The following GBE1 variants were observed in gnomAD, a reference collection of about 807,000 sequenced individuals.
GBE1 encodes 1,4-alpha-glucan branching enzyme 1, also known as 1,4-alpha-glucan-branching enzyme.
A neutral mutation model predicts 88.8 loss-of-function variants in GBE1; 70 were observed. That is an observed-to-expected ratio of 0.79 (90% CI 0.65 to 0.96). The LOEUF (loss-of-function observed/expected upper bound fraction) is 0.96, where lower values mean the gene tolerates loss of function less well. Among genes scored for constraint, GBE1 ranks in the 40% least tolerant of loss-of-function variants. The pLI, the probability that GBE1 is intolerant of heterozygous loss-of-function variation, is 0.00. For synonymous variants in GBE1, 284 were observed against 300.1 expected, an observed-to-expected ratio of 0.95 and a Z score of 0.56; for missense variants, 872 against 871.0, an observed-to-expected ratio of 1.00 and a Z score of -0.01.
At chr3:81,667,651 A>G (rs1405869486) in intron 3 of GBE1, among the ~76,000 whole-genome samples, 1 of 152,222 alleles carries the variant, frequency 6.6e-6, no homozygotes, top group African/African-American at 2.4e-5. Flanking sequence ...AGTTTTTAAC[A>G]TGAAGGGATG....
At chr3:81,524,583 G>A (rs1338665623) in intron 14 of GBE1, among the ~76,000 whole-genome samples, 1 of 151,602 alleles carries the variant, frequency 6.6e-6, no homozygotes, top group African/African-American at 2.4e-5. Context: ...TTTGTTTTTT[G>A]TATATAATGA....
At chr3:81,735,777 C>T (rs1045516506) in intron 1 of GBE1, among the ~76,000 whole-genome samples, 2 of 152,128 alleles carry the variant, frequency 1.3e-5, no homozygotes. Context: ...ATCAGTCTCA[C>T]CTTCAATCAA....
intron 11 of GBE1, 49 bp downstream of exon 11, chr3:81,581,116 G>A (rs1055194634): frequency 1.9e-6 from 2 of 1,045,810 alleles, no homozygotes; most frequent in South Asian, 1.4e-5. Flanking sequence ...GAGGGAAGGA[G>A]GAAGAGAGAG....
intron 12 of GBE1, among the ~76,000 whole-genome samples, chr3:81,550,766 A>T (rs987279102): frequency 4.6e-5 from 7 of 152,208 alleles, no homozygotes; most frequent in Non-Finnish European, 1.0e-4. Context: ...TGGCAACGTC[A>T]GGAAGTTACT....
At position 81,577,912 on chromosome 3, in the gene GBE1, A is replaced by T; in HGVS notation, c.1618+13T>A. 1 of 1,578,912 alleles carries T rather than the reference A, an allele frequency of 6.3e-7. No individual in the cohort carries two copies. The highest frequency in any genetic ancestry group is 1.2e-5 in the South Asian group (1 of 82,278). On this transcript the variant is annotated intron_variant, in intron 12 of 15. Transcript: ENST00000429644. The stretch of plus-strand genomic sequence containing the variant: ...TTAAACACAAATTGCATATGTGTTT[A>T]ACTCACACTTACCCATGAAATTGAG...
chr3:81,663,318 C>A (rs998482638), intron 3 of GBE1, among the ~76,000 whole-genome samples: 1 of 152,176 alleles, frequency 6.6e-6, no homozygotes, highest in Non-Finnish European at 1.5e-5. Flanking sequence ...TCGAGAGGAC[C>A]ACATCAGCGT....
At position 81,662,309 on chromosome 3, in the gene GBE1, G is replaced by A. The variant is rs184236234; in HGVS notation, c.429+8529C>T. Among the ~76,000 whole-genome samples, 377 of 152,246 alleles carry A rather than the reference G, an allele frequency of 2.5e-3. 2 individuals are homozygous for A. Among genetic ancestry groups the A allele is most frequent in the Non-Finnish European group, 4.4e-3 (300 of 68,024 alleles). ...GGCTTCCCAAAGTGCTGGGATTACA[G>A]GTGTGAGCCACCGTACCCGGCCCTT... On this transcript the variant is annotated intron_variant, in intron 3 of 15. Coordinates refer to ENST00000429644, the MANE Select transcript of GBE1 (RefSeq NM_000158.4).
intron 14 of GBE1, among the ~76,000 whole-genome samples, chr3:81,515,059 A>G (rs933324997): frequency 6.6e-6 from 1 of 151,634 alleles, no homozygotes; most frequent in Non-Finnish European, 1.5e-5. Context: ...TTAAAAGGAA[A>G]GGCTCAATGT....
chr3:81,710,117 G>A (rs1268857204), intron 1 of GBE1, among the ~76,000 whole-genome samples: 1 of 151,386 alleles, frequency 6.6e-6, no homozygotes, highest in Non-Finnish European at 1.5e-5. Flanking sequence ...AAGCAATAAG[G>A]ACATCACACA....
intron 7 of GBE1, among the ~76,000 whole-genome samples, chr3:81,606,994 C>T (rs931110801): frequency 3.3e-5 from 5 of 152,076 alleles, no homozygotes; most frequent in Admixed American, 2.0e-4. Flanking sequence ...AGAAACCATA[C>T]GGTAAATATT....
At chr3:81,755,963 T>C (rs971432343) in intron 1 of GBE1, among the ~76,000 whole-genome samples, 4 of 152,150 alleles carry the variant, frequency 2.6e-5, no homozygotes, top group Non-Finnish European at 5.9e-5. Flanking sequence ...CTTGGAGTGG[T>C]TGCTAACGTA....
At chr3:81,651,439 C>A (rs1704849948) in intron 3 of GBE1, among the ~76,000 whole-genome samples, 1 of 152,078 alleles carries the variant, frequency 6.6e-6, no homozygotes, top group African/African-American at 2.4e-5. Flanking sequence ...TACATGAATA[C>A]AATTATTTCT....
chr3:81,645,801 A>C (rs1287679664), intron 6 of GBE1, among the ~76,000 whole-genome samples: 1 of 152,212 alleles, frequency 6.6e-6, no homozygotes, highest in Non-Finnish European at 1.5e-5. Flanking sequence ...GTTAAAAATA[A>C]TAATCTGTAT....
chr3:81,653,918 A>C (rs1021078292), intron 3 of GBE1, among the ~76,000 whole-genome samples: 4 of 152,170 alleles, frequency 2.6e-5, no homozygotes, highest in African/African-American at 7.2e-5. Flanking sequence ...TAAGCGGTTT[A>C]GTAAGGATTA....
At chr3:81,615,551 G>A (rs1192052346) in intron 7 of GBE1, among the ~76,000 whole-genome samples, 3 of 152,302 alleles carry the variant, frequency 2.0e-5, no homozygotes, top group Non-Finnish European at 4.4e-5. Flanking sequence ...TCCCTTTGGG[G>A]ACGAGCTTTT....
chr3:81,672,718 T>C (rs1038283781), intron 2 of GBE1, among the ~76,000 whole-genome samples: 1 of 151,886 alleles, frequency 6.6e-6, no homozygotes, highest in African/African-American at 2.4e-5. Flanking sequence ...CACATAGATG[T>C]TTATTACATT....
At position 81,528,030 on chromosome 3, in the gene GBE1, T is replaced by C. The variant is rs528419400; in HGVS notation, c.1934+7165A>G. On this transcript the variant is annotated intron_variant, in intron 14 of 15. Transcript: ENST00000429644. ...GACACATAAGCACCATGGAATACTA[T>C]GCAGCCATAACAAATGATGAGTTCA... is the stretch of plus-strand genomic sequence containing the variant. Among the ~76,000 whole-genome samples the C allele has an allele frequency of 2.7e-3, 405 of 152,134 alleles. 1 individual carries two copies. Among genetic ancestry groups the C allele is most frequent in the Non-Finnish European group, 3.7e-3 (251 of 67,998 alleles).
At chr3:81,696,916 C>A (rs760134601) in intron 2 of GBE1, among the ~76,000 whole-genome samples, 4 of 152,130 alleles carry the variant, frequency 2.6e-5, no homozygotes, top group Non-Finnish European at 5.9e-5. Context: ...TCTGACACCA[C>A]AACAATCATC....
chr3:81,655,555 C>T (rs1303146150), intron 3 of GBE1, among the ~76,000 whole-genome samples: 4 of 151,976 alleles, frequency 2.6e-5, no homozygotes, highest in Middle Eastern at 3.2e-3. Context: ...TTACTCTTGT[C>T]GCCCAGGCTA....
Sources: gnomAD v4.1 joint callset for allele counts (sites outside exome capture counted in the v4.1 genomes callset) on GRCh38, gnomAD v4.1.1 for gene constraint, MANE v1.5 for transcripts, NCBI Gene and HGNC (gene_info 2026-07-23, HGNC 2026-07-21) for gene names.